The following ADAMTS7 variants were observed in gnomAD, a reference collection of about 807,000 sequenced individuals.
ADAMTS7 encodes ADAM metallopeptidase with thrombospondin type 1 motif 7.
ADAMTS7 carries 89 observed loss-of-function variants against 172.6 expected under a neutral mutation model. The observed-to-expected ratio is 0.52, with a 90% CI of 0.43 to 0.61. ADAMTS7 has a LOEUF of 0.61. Among genes scored for constraint, ADAMTS7 ranks in the 20% least tolerant of loss-of-function variants. The probability of loss-of-function intolerance (pLI) is 0.00; values close to 1 mark genes in which losing one functional copy is unlikely to be tolerated. For synonymous variants in ADAMTS7, 885 were observed against 978.4 expected (o/e 0.90, Z 1.78); for missense variants, 1,973 against 2,355.6 (o/e 0.84, Z 3.36).
intron 7 of ADAMTS7, 25 bp from the exon 8 acceptor site, chr15:78,788,399 G>A (rs2055535975): frequency 3.1e-6 from 5 of 1,609,742 alleles, no homozygotes; most frequent in Non-Finnish European, 4.2e-6. Flanking sequence ...AGGCCCCAGG[G>A]GCGGGTGAGC....
chr15:78,767,374 C>T lies in ADAMTS7; in HGVS notation c.2859+5G>A. ...GAGGCGGGCCCCTTCCCATCCCACACTCACCTGAGACCAGTTCCCCACAGC... is the reference window on the plus strand; with the variant it reads ...GAGGCGGGCCCCTTCCCATCCCACATTCACCTGAGACCAGTTCCCCACAGC... On this transcript the variant is annotated splice_donor_5th_base_variant and intron_variant, in intron 18 of 23. Transcript: ENST00000388820. The T allele has an allele frequency of 6.2e-7, 1 of 1,611,626 alleles. No individual in the cohort carries two copies. The highest frequency in any genetic ancestry group is 8.5e-7 in the Non-Finnish European group (1 of 1,179,760).
intron 22 of ADAMTS7, among the ~76,000 whole-genome samples, chr15:78,763,237 G>T (rs2055078921): frequency 6.6e-6 from 1 of 152,224 alleles, no homozygotes; most frequent in Non-Finnish European, 1.5e-5. Context: ...TGGCCCAGCT[G>T]ACTCCAGGAC....
rs2055284245 is a variant in ADAMTS7 at position 78,773,285 on chromosome 15, G to C, written c.2011-82C>G. 1.5e-6 allele frequency: 2 copies of C among 1,328,870 alleles called. 1 individual carries two copies. Among genetic ancestry groups the C allele is most frequent in the South Asian group, 2.7e-5 (2 of 74,246 alleles). 82.3% of individuals were successfully genotyped at this position (1,328,870 alleles called of 1,614,324 possible). Reference sequence around the variant, plus strand: ...CAGCCCCGGGGCCAGCCAGAGTCAGGAGAAGAAAGCTGGGAGTTGGGGTCG... The same window carrying C: ...CAGCCCCGGGGCCAGCCAGAGTCAGCAGAAGAAAGCTGGGAGTTGGGGTCG... On this transcript the variant is annotated intron_variant, in intron 13 of 23. Transcript: ENST00000388820.
intron 4 of ADAMTS7, among the ~76,000 whole-genome samples, chr15:78,793,516 C>T (rs2055607139): frequency 6.6e-6 from 1 of 152,124 alleles, no homozygotes; most frequent in Non-Finnish European, 1.5e-5. Flanking sequence ...GTGTGCACCA[C>T]CATGCCTGGC....
chr15:78,763,504 C>T (rs545646893), intron 22 of ADAMTS7, among the ~76,000 whole-genome samples, 195 bp downstream of exon 22: 32 of 152,382 alleles, frequency 2.1e-4, no homozygotes, highest in African/African-American at 5.8e-4. Flanking sequence ...TTCCCTGACA[C>T]CACAGCACAC....
chr15:78,770,839 T>C lies in ADAMTS7; in HGVS notation c.2518+323A>G, dbSNP rs2055236072. ...ATTGCCCTACTTTTTATAAATAGTT[T>C]AGGGAAATAAGTCAGTGTGGTGAGG... On this transcript the variant is annotated intron_variant, in intron 16 of 23. Coordinates refer to ENST00000388820, the MANE Select transcript of ADAMTS7 (RefSeq NM_014272.5). The C allele has an allele frequency of 1.7e-5, 5 of 299,950 alleles. No homozygotes were observed. The South Asian group carries it at 3.0e-4, about 18-fold the overall frequency. 18.6% of individuals were successfully genotyped at this position (299,950 alleles called of 1,614,324 possible).
At chr15:78,803,865 G>A (rs1445768267) in intron 1 of ADAMTS7, among the ~76,000 whole-genome samples, 1 of 152,234 alleles carries the variant, frequency 6.6e-6, no homozygotes, top group East Asian at 1.9e-4. Context: ...AAAACCACAG[G>A]TGCTGCTGGG....
chr15:78,772,094 C>A (rs34677858), intron 14 of ADAMTS7, among the ~76,000 whole-genome samples: 1 of 152,204 alleles, frequency 6.6e-6, no homozygotes, highest in Non-Finnish European at 1.5e-5. Context: ...ATTCCCTACT[C>A]TAAGGGCTGG....
At chr15:78,763,437 C>T (rs1467603659) in intron 22 of ADAMTS7, among the ~76,000 whole-genome samples, 2 of 152,256 alleles carry the variant, frequency 1.3e-5, no homozygotes, top group Non-Finnish European at 2.9e-5. Context: ...GATCCCTGTC[C>T]TTGGCATCAC....
At chr15:78,783,795 T>C (rs926749382) in intron 8 of ADAMTS7, among the ~76,000 whole-genome samples, 3 of 152,264 alleles carry the variant, frequency 2.0e-5, no homozygotes, top group South Asian at 2.1e-4. Flanking sequence ...TCCAAAACTT[T>C]TGAGCACTAA....
intron 19 of ADAMTS7, chr15:78,765,031 A>G (rs1290082891): frequency 3.5e-6 from 1 of 285,812 alleles, no homozygotes; most frequent in Admixed American, 4.7e-5. Flanking sequence ...GTCGCTTCCC[A>G]GAGGCACCAG....
chr15:78,806,810 A>T (rs755875366), intron 1 of ADAMTS7, among the ~76,000 whole-genome samples: 6 of 152,154 alleles, frequency 3.9e-5, no homozygotes, highest in Non-Finnish European at 2.9e-5. Flanking sequence ...CTTGTCCCCC[A>T]GGCTGGAGTA....
Position 78,768,260 on chromosome 15 carries a change from C to G in ADAMTS7, c.2519-1G>C. ...CAGTACACATTCTGCCTCTGCACAC[C>G]TAGGGGCCACGGGGCTCAGCCTGGG... On this transcript the variant is annotated splice_acceptor_variant, in intron 16 of 23. Coordinates refer to ENST00000388820, the MANE Select transcript of ADAMTS7 (RefSeq NM_014272.5). LOFTEE classifies it high-confidence loss of function. 1 of 1,610,658 alleles carries G rather than the reference C, an allele frequency of 6.2e-7. No individual in the cohort carries two copies. The highest frequency in any genetic ancestry group is 8.5e-7 in the Non-Finnish European group (1 of 1,179,570).
intron 23 of ADAMTS7, among the ~76,000 whole-genome samples, chr15:78,761,450 T>C (rs2055041450): frequency 6.6e-6 from 1 of 152,242 alleles, no homozygotes; most frequent in Admixed American, 6.5e-5. Context: ...ACCTTGCAAT[T>C]GGGGATGACA....
At chr15:78,807,292 G>A (rs535133245) in intron 1 of ADAMTS7, among the ~76,000 whole-genome samples, 2 of 152,152 alleles carry the variant, frequency 1.3e-5, no homozygotes, top group Non-Finnish European at 2.9e-5. Context: ...AACCACTGGG[G>A]AGAAAAGGCC....
chr15:78,776,392 C>T (rs961183866), intron 10 of ADAMTS7, 59 bp from the exon 11 acceptor site: 55 of 1,571,794 alleles, frequency 3.5e-5, no homozygotes, highest in Non-Finnish European at 4.7e-5. Context: ...TCATCCTCAC[C>T]CTAGTGAGAA....
intron 16 of ADAMTS7, chr15:78,770,833 A>G (rs1394721364): frequency 7.4e-6 from 2 of 270,226 alleles, no homozygotes; most frequent in Non-Finnish European, 1.4e-5. Flanking sequence ...CTTTTTATAA[A>G]TAGTTTAGGG....
In ADAMTS7 at chr15:78,762,507, T is replaced by G. The variant is rs764773054; in HGVS notation, c.4799A>C (p.Gln1600Pro). The G allele has an allele frequency of 6.3e-7, 1 of 1,591,282 alleles. No homozygotes were observed. The highest frequency in any genetic ancestry group is 8.6e-7 in the Non-Finnish European group (1 of 1,169,096). The change falls in exon 23 of 24, where the codon CAG becomes CCG. Residue 1600 changes from glutamine (Q) to proline (P), a missense_variant. Gln to Pro is a moderately conservative substitution (Grantham distance 76). Coordinates refer to ENST00000388820, the MANE Select transcript of ADAMTS7 (RefSeq NM_014272.5). ...ACTGTCTTCCTCGGGCAGCCCTGTC[T>G]GGGTGTTGACACACTTGACCAGGCG... The part of the protein sequence containing the change: ...QRRLVKCVNT[Q>P]TGLPEEDSDQ...
At position 78,766,885 on chromosome 15, in the gene ADAMTS7, C is replaced by T; in HGVS notation, c.3026G>A (p.Gly1009Asp). 1 of 1,609,124 alleles carries T rather than the reference C, an allele frequency of 6.2e-7. No homozygotes were observed. The highest frequency in any genetic ancestry group is 2.2e-5 in the East Asian group (1 of 44,854). Residue 1009 changes from glycine (G) to aspartate (D), a missense_variant, in exon 19 of 24, where the codon GGC becomes GAC. Physicochemically the swap from Gly to Asp is moderately conservative, Grantham distance 94. Transcript: ENST00000388820. ...GTLGPEGSGS[G>D]SSSHELFNEA... is the part of the protein sequence containing the mutation. ...GTTGAAGAGCTCGTGGCTGGAGGAGCCGCTGCCTGAGCCTTCAGGGCCCAG... is the reference window on the plus strand; with the variant it reads ...GTTGAAGAGCTCGTGGCTGGAGGAGTCGCTGCCTGAGCCTTCAGGGCCCAG...
Sources: gnomAD v4.1 joint callset for allele counts (sites outside exome capture counted in the v4.1 genomes callset) on GRCh38, gnomAD v4.1.1 for gene constraint, MANE v1.5 for transcripts, NCBI Gene and HGNC (gene_info 2026-07-23, HGNC 2026-07-21) for gene names.